The following COL25A1 variants were observed in gnomAD, a reference collection of about 807,000 sequenced individuals.
COL25A1 encodes the protein collagen alpha-1(XXV) chain.
Under a neutral mutation model 128.4 loss-of-function variants are expected in COL25A1, and 103 were observed. That is an observed-to-expected ratio of 0.80 (90% CI 0.68 to 0.94). The LOEUF (loss-of-function observed/expected upper bound fraction) is 0.94, where lower values mean the gene tolerates loss of function less well. Among genes scored for constraint, COL25A1 ranks in the 40% least tolerant of loss-of-function variants. The pLI is 0.00. For missense variants in COL25A1, 745 were observed against 840.0 expected, an observed-to-expected ratio of 0.89 and a Z score of 1.40; for synonymous variants, 279 against 277.2, an observed-to-expected ratio of 1.01 and a Z score of -0.06.
intron 3 of COL25A1, among the ~76,000 whole-genome samples, chr4:109,269,503 G>A (rs1406394232): frequency 3.4e-5 from 5 of 149,088 alleles, no homozygotes; most frequent in Non-Finnish European, 7.4e-5. Flanking sequence ...CTGAGGAATC[G>A]CCACACTGAC....
At chr4:108,992,680 G>T (rs1232421697) in intron 6 of COL25A1, among the ~76,000 whole-genome samples, 1 of 152,066 alleles carries the variant, frequency 6.6e-6, no homozygotes, top group Non-Finnish European at 1.5e-5. Flanking sequence ...GGAAACAAAG[G>T]TATCCACACT....
chr4:108,946,007 T>A (rs2125936412), intron 8 of COL25A1, among the ~76,000 whole-genome samples: 1 of 152,296 alleles, frequency 6.6e-6, no homozygotes, highest in Non-Finnish European at 1.5e-5. Flanking sequence ...TACTTTGAAT[T>A]CTTAAGAAAT....
chr4:109,136,690 G>C (rs1019869501), intron 3 of COL25A1, among the ~76,000 whole-genome samples: 13 of 152,248 alleles, frequency 8.5e-5, no homozygotes, highest in Non-Finnish European at 1.8e-4. Flanking sequence ...GGTAGTTAGG[G>C]TGTAGATAAT....
chr4:109,153,924 A>C (rs1231930871), intron 3 of COL25A1, among the ~76,000 whole-genome samples: 1 of 152,196 alleles, frequency 6.6e-6, no homozygotes, highest in Non-Finnish European at 1.5e-5. Context: ...CAGCTTGCTG[A>C]GCAGCACACA....
intron 8 of COL25A1, among the ~76,000 whole-genome samples, chr4:108,950,944 G>A (rs1018926148): frequency 6.6e-6 from 1 of 152,206 alleles, no homozygotes; most frequent in Non-Finnish European, 1.5e-5. Context: ...TCTGAGGACT[G>A]GAGTAAGACT....
chr4:109,187,917 A>G (rs561369842), intron 3 of COL25A1, among the ~76,000 whole-genome samples: 1 of 152,352 alleles, frequency 6.6e-6, no homozygotes, highest in East Asian at 1.9e-4. Context: ...CATATTGTTA[A>G]GCAGCCCCTA....
At chr4:109,097,662 ATTTT>A (rs780098779) in intron 3 of COL25A1, among the ~76,000 whole-genome samples, 3 of 124,644 alleles carry the variant, frequency 2.4e-5, no homozygotes, top group Non-Finnish European at 1.6e-5. Context: ...GTAAACATCA[ATTTT>A]TTTTTTTTTT....
intron 3 of COL25A1, among the ~76,000 whole-genome samples, chr4:109,236,188 CA>C (rs1779469135): frequency 1.3e-5 from 2 of 151,536 alleles, no homozygotes; most frequent in South Asian, 4.2e-4. Context: ...ATTCACTTTA[CA>C]AAAGATTTCT....
Position 109,006,205 on chromosome 4 carries a change from A to G in COL25A1, c.438+4153T>C, listed in dbSNP as rs79892100. On this transcript the variant is annotated intron_variant, in intron 6 of 37. Coordinates refer to ENST00000399132, the MANE Select transcript of COL25A1 (RefSeq NM_198721.4). ...GCTTTCAACAACTTAAAAACCCATAACAAGCTTCTAATTTTGTGGGGGGGT... is the reference window on the plus strand; with the variant it reads ...GCTTTCAACAACTTAAAAACCCATAGCAAGCTTCTAATTTTGTGGGGGGGT... 9.5e-3 allele frequency among the ~76,000 whole-genome samples: 1,419 copies of G among 148,610 alleles called. 23 individuals are homozygous for G. Among genetic ancestry groups the G allele is most frequent in the African/African-American group, 0.033 (1,339 of 40,580 alleles).
chr4:109,044,115 GTA>G (rs1301371890), intron 5 of COL25A1, among the ~76,000 whole-genome samples: 5 of 147,058 alleles, frequency 3.4e-5, no homozygotes, highest in African/African-American at 1.3e-4. Flanking sequence ...GTGTGTGTGT[GTA>G]TGTATGTATA....
rs572933679 is a variant in COL25A1, at chr4:109,080,269, T to C, written c.368-30090A>G. ...AATTTCTTAACTAATTATTAAGTAGTAGAGTTAGGAAGTCTGGCTCTAGAG... is the reference window on the plus strand; with the variant it reads ...AATTTCTTAACTAATTATTAAGTAGCAGAGTTAGGAAGTCTGGCTCTAGAG... On this transcript the variant is annotated intron_variant, in intron 3 of 37. Transcript: ENST00000399132. Among the ~76,000 whole-genome samples the C allele has an allele frequency of 2.0e-4, 31 of 152,326 alleles. No individual in the cohort carries two copies. In the South Asian group the frequency reaches 5.8e-3, roughly 28 times the overall value.
intron 3 of COL25A1, among the ~76,000 whole-genome samples, chr4:109,219,221 A>T (rs1387656054): frequency 6.6e-6 from 1 of 152,090 alleles, no homozygotes; most frequent in Non-Finnish European, 1.5e-5. Context: ...TGTGCAGATG[A>T]TCTATAAACT....
chr4:108,994,396 T>TG (rs1754539975), intron 6 of COL25A1, among the ~76,000 whole-genome samples: 1 of 152,198 alleles, frequency 6.6e-6, no homozygotes, highest in African/African-American at 2.4e-5. Flanking sequence ...TGCAGCTTGA[T>TG]GGGGGGAGGG....
chr4:108,832,982 A>AATAAATAAATACATAAATAC (rs1733342000), intron 31 of COL25A1, among the ~76,000 whole-genome samples: 2 of 151,356 alleles, frequency 1.3e-5, no homozygotes, highest in African/African-American at 4.8e-5. Context: ...ATAATAAATA[A>AATAAATAAATACATAAATAC]ATAAATAAAT....
chr4:109,134,610 A>G (rs1769532734), intron 3 of COL25A1, among the ~76,000 whole-genome samples: 1 of 152,204 alleles, frequency 6.6e-6, no homozygotes, highest in Non-Finnish European at 1.5e-5. Flanking sequence ...AGAAAAAGCT[A>G]AGAAGAATAT....
chr4:109,136,376 G>A (rs905537260), intron 3 of COL25A1, among the ~76,000 whole-genome samples: 3 of 152,108 alleles, frequency 2.0e-5, no homozygotes, highest in Non-Finnish European at 2.9e-5. Context: ...TCCATGCTGG[G>A]CAAAAAGAGC....
chr4:109,000,743 C>CAAAAAAAAAAAAAAAAAA (rs1180104512), intron 6 of COL25A1, among the ~76,000 whole-genome samples: 4 of 36,424 alleles, frequency 1.1e-4, no homozygotes, highest in African/African-American at 5.1e-4. Flanking sequence ...GAGACTCTGT[C>CAAAAAAAAAAAAAAAAAA]AAAAAAAAAA....
chr4:109,017,027 G>A lies in COL25A1; in HGVS notation c.421-6652C>T, dbSNP rs148225835. 3.4e-3 allele frequency among the ~76,000 whole-genome samples: 516 copies of A among 152,302 alleles called. 11 individuals are homozygous for A. In the East Asian group the frequency reaches 0.051, roughly 15 times the overall value. On this transcript the variant is annotated intron_variant, in intron 5 of 37. Coordinates refer to ENST00000399132, the MANE Select transcript of COL25A1 (RefSeq NM_198721.4). ...GCCCTTCAGGGAGCCCAGACCTAGG[G>A]ACTCCCTGAGCCAGGGCTGTGACTC...
At chr4:109,017,059 C>T (rs762384497) in intron 5 of COL25A1, among the ~76,000 whole-genome samples, 8 of 152,338 alleles carry the variant, frequency 5.3e-5, no homozygotes, top group East Asian at 1.9e-4. Flanking sequence ...ACTCCCTCTT[C>T]GGGGCTCTGT....
Sources: gnomAD v4.1 joint callset for allele counts (sites outside exome capture counted in the v4.1 genomes callset) on GRCh38, gnomAD v4.1.1 for gene constraint, MANE v1.5 for transcripts, NCBI Gene and HGNC (gene_info 2026-07-23, HGNC 2026-07-21) for gene names.